RSRC2: variants seen among roughly 807,000 people sequenced by gnomAD.
RSRC2 encodes the protein arginine and serine rich coiled-coil 2.
RSRC2 carries 5 observed loss-of-function variants against 61.3 expected under a neutral mutation model. The ratio of observed to expected loss-of-function variants is 0.08; its 90% CI spans 0.04 to 0.17. RSRC2 has a LOEUF of 0.17. RSRC2 is among the 10% of genes least tolerant of loss of function. The probability of loss-of-function intolerance (pLI) is 1.00; values close to 1 mark genes in which losing one functional copy is unlikely to be tolerated. For synonymous variants in RSRC2, 202 were observed against 166.5 expected (o/e 1.21, Z -1.64); for missense variants, 381 against 518.8 (o/e 0.73, Z 2.58).
rs929413313 is a variant in RSRC2, at chr12:122,504,491, G to C, written c.*1036C>G. The stretch of plus-strand genomic sequence containing the variant: ...AAAAATACAAAAATTAGCTGGGTGC[G>C]GTGGTACGCCTGTAATCCCAGTTAC... On this transcript the variant is annotated 3_prime_UTR_variant, in exon 10 of 10. Coordinates refer to ENST00000331738, the MANE Select transcript of RSRC2 (RefSeq NM_023012.6). 3 of 152,178 alleles carry C rather than the reference G, an allele frequency of 2.0e-5. No individual in the cohort carries two copies. Among genetic ancestry groups the C allele is most frequent in the Non-Finnish European group, 2.9e-5 (2 of 68,066 alleles). The allele number at this position is 152,178 out of a possible 1,614,324, so 9.4% of individuals were successfully genotyped here.
chr12:122,525,376 C>G (rs996991320), intron 1 of RSRC2, among the ~76,000 whole-genome samples: 1 of 151,702 alleles, frequency 6.6e-6, no homozygotes, highest in Non-Finnish European at 1.5e-5. Flanking sequence ...AACTCCGTCT[C>G]GAAAAAATAC....
intron 6 of RSRC2, chr12:122,514,857 A>C (rs1958791467): frequency 1.2e-5 from 8 of 690,476 alleles, no homozygotes; most frequent in Non-Finnish European, 1.7e-5. Context: ...TTGGGAGTCT[A>C]AATTTGAGAA....
chr12:122,522,055 CA>C, intron 2 of RSRC2, 87 bp downstream of exon 2: 1 of 1,364,952 alleles, frequency 7.3e-7, no homozygotes, highest in Non-Finnish European at 9.9e-7. Flanking sequence ...GCCCAGCCAA[CA>C]AACTAAATGT....
rs140060903 is a variant in RSRC2 at position 122,506,780 on chromosome 12, G to C, written c.1125+54C>G. The C allele has an allele frequency of 6.2e-5, 66 of 1,064,810 alleles. No homozygotes were observed. The African/African-American group carries it at 9.2e-4, about 15-fold the overall frequency. The allele number at this position is 1,064,810 out of a possible 1,614,324, so 66.0% of individuals were successfully genotyped here. On this transcript the variant is annotated intron_variant, in intron 9 of 9. Coordinates refer to ENST00000331738, the MANE Select transcript of RSRC2 (RefSeq NM_023012.6). The stretch of plus-strand genomic sequence containing the variant: ...GAACTAAGAAAATGAGGGAAGAACA[G>C]TGCAGGAGGGCTAATAGCTAATACA...
At chr12:122,514,975 G>A (rs1234792635) in intron 6 of RSRC2, 130 bp downstream of exon 6, 3 of 1,024,726 alleles carry the variant, frequency 2.9e-6, no homozygotes, top group Non-Finnish European at 4.3e-6. Context: ...CATAGTTCTA[G>A]ATCACAAATA....
chr12:122,509,244 C>A (rs542779622), intron 7 of RSRC2, among the ~76,000 whole-genome samples: 1 of 151,776 alleles, frequency 6.6e-6, no homozygotes, highest in African/African-American at 2.4e-5. Flanking sequence ...GTCAGGAGTT[C>A]GAGACCAGCC....
intron 7 of RSRC2, among the ~76,000 whole-genome samples, chr12:122,509,840 G>GT (rs1226554667): frequency 2.0e-5 from 3 of 151,924 alleles, no homozygotes; most frequent in African/African-American, 7.3e-5. Flanking sequence ...TTTTGTTTTT[G>GT]TTTTTTTCTT....
intron 7 of RSRC2, among the ~76,000 whole-genome samples, chr12:122,510,347 C>G (rs919798137): frequency 2.0e-5 from 3 of 151,886 alleles, no homozygotes; most frequent in South Asian, 2.1e-4. Context: ...TGGTTCAACA[C>G]GGTGAAACCC....
intron 5 of RSRC2, among the ~76,000 whole-genome samples, chr12:122,515,696 A>T (rs566994155): frequency 2.0e-5 from 3 of 152,296 alleles, no homozygotes; most frequent in Non-Finnish European, 2.9e-5. Context: ...TTAACCACTA[A>T]AAATTAGGTC....
Position 122,505,400 on chromosome 12 carries a change from G to C in RSRC2, c.*127C>G. On this transcript the variant is annotated 3_prime_UTR_variant, in exon 10 of 10. Transcript: ENST00000331738. ...ACTGATCTGATATTTACAAAAATTT[G>C]TATTTTTCAATAAATTAAAGTCAAT... 1.2e-6 allele frequency: 1 copy of C among 833,268 alleles called. No individual in the cohort carries two copies. Among genetic ancestry groups the C allele is most frequent in the Non-Finnish European group, 1.8e-6 (1 of 545,674 alleles). 51.6% of individuals were successfully genotyped at this position (833,268 alleles called of 1,614,324 possible). A position where few individuals can be genotyped will look rare whatever the true frequency, so the allele number is the denominator to read the frequency against.
At chr12:122,525,144 C>A (rs970565765) in intron 1 of RSRC2, among the ~76,000 whole-genome samples, 1 of 152,082 alleles carries the variant, frequency 6.6e-6, no homozygotes, top group African/African-American at 2.4e-5. Context: ...GAGGCCGAGG[C>A]GGGTGGATCA....
At position 122,506,891 on chromosome 12, in the gene RSRC2, T is replaced by C. The variant is rs568294240; in HGVS notation, c.1068A>G (p.Lys356=). 6.2e-7 allele frequency: 1 copy of C among 1,609,960 alleles called. No homozygotes were observed. The highest frequency in any genetic ancestry group is 1.1e-5 in the South Asian group (1 of 90,968). ...DKSQSAEIWE[K]LNFGNKDQNV... ...TTTGGTCCTTGTTTCCAAAATTCAATTTTTCCCATATTTCAGCAGATTGGG... is the reference window on the plus strand; with the variant it reads ...TTTGGTCCTTGTTTCCAAAATTCAACTTTTCCCATATTTCAGCAGATTGGG... Residue 356 remains lysine, a synonymous_variant, in exon 9 of 10, where the codon AAA becomes AAG. Coordinates refer to ENST00000331738, the MANE Select transcript of RSRC2 (RefSeq NM_023012.6).
rs760095211 is a variant in RSRC2, at chr12:122,508,521, C to T, written c.806-74G>A. On this transcript the variant is annotated intron_variant, in intron 7 of 9. Transcript: ENST00000331738. ...AAACCTCCTGATTTACATTAACGAA[C>T]GATTTATAAAAAGCTATGAATGTGC... 1.6e-5 allele frequency: 19 copies of T among 1,191,150 alleles called. No individual in the cohort carries two copies. In the East Asian group the frequency reaches 2.6e-4, roughly 16 times the overall value. The allele number at this position is 1,191,150 out of a possible 1,614,324, so 73.8% of individuals were successfully genotyped here.
intron 5 of RSRC2, 64 bp downstream of exon 5, chr12:122,517,163 T>G: frequency 6.2e-7 from 1 of 1,605,352 alleles, no homozygotes; most frequent in Non-Finnish European, 8.5e-7. Context: ...ACTCTCTTAC[T>G]GAGGAAGATA....
intron 1 of RSRC2, 171 bp from the exon 2 acceptor site, chr12:122,522,470 G>T: frequency 3.9e-6 from 2 of 519,204 alleles, no homozygotes; most frequent in Admixed American, 4.0e-5. Flanking sequence ...TGAATGGCTT[G>T]AAATGACGAA....
chr12:122,509,057 G>A (rs1170786731), intron 7 of RSRC2, among the ~76,000 whole-genome samples: 3 of 152,036 alleles, frequency 2.0e-5, no homozygotes, highest in Admixed American at 2.0e-4. Context: ...TGTTTCTAAG[G>A]TATAATTACA....
At chr12:122,524,429 C>G (rs1220154663) in intron 1 of RSRC2, among the ~76,000 whole-genome samples, 1 of 152,146 alleles carries the variant, frequency 6.6e-6, no homozygotes, top group African/African-American at 2.4e-5. Context: ...AGTGGCAAAT[C>G]CCATTTACTT....
Position 122,514,750 on chromosome 12 carries a change from A to C in RSRC2, c.725+355T>G, listed in dbSNP as rs746297493. ...TTGTCTATTTGAGGGAGAAAAACAA[A>C]AAGTAAAGGAAAAGTCATCTTAGAT... On this transcript the variant is annotated intron_variant, in intron 6 of 9. Transcript: ENST00000331738. 16 of 1,131,446 alleles carry C rather than the reference A, an allele frequency of 1.4e-5. No individual in the cohort carries two copies. In the South Asian group the frequency reaches 1.9e-4, roughly 13 times the overall value. The allele number at this position is 1,131,446 out of a possible 1,614,324, so 70.1% of individuals were successfully genotyped here.
In RSRC2 at chr12:122,517,426, G is replaced by A; in HGVS notation, c.403C>T (p.His135Tyr). The A allele has an allele frequency of 6.2e-7, 1 of 1,613,986 alleles. No homozygotes were observed. Among genetic ancestry groups the A allele is most frequent in the South Asian group, 1.1e-5 (1 of 91,078 alleles). Residue 135 changes from histidine to tyrosine, a missense_variant, in exon 5 of 10, where the codon CAT becomes TAT. This residue lies in a region of RSRC2 where 266 missense variants were observed against 270.5 expected (regional missense o/e 0.98). Coordinates refer to ENST00000331738, the MANE Select transcript of RSRC2 (RefSeq NM_023012.6). ...HSRSRSRERRHRSRSRERKKS... is the reference protein window; with the variant it reads ...HSRSRSRERRYRSRSRERKKS... ...TTCCGCTCCCTGCTTCTACTACGAT[G>A]GCGTCTGAAATTAAAGTGCACAAAT... is the stretch of plus-strand genomic sequence containing the variant.
Sources: gnomAD v4.1 joint callset for allele counts (sites outside exome capture counted in the v4.1 genomes callset) on GRCh38, gnomAD v4.1.1 for gene constraint, gnomAD v4.1.1 regional missense constraint, MANE v1.5 for transcripts, NCBI Gene and HGNC (gene_info 2026-07-23, HGNC 2026-07-21) for gene names.